RRH: variants seen among roughly 807,000 people sequenced by gnomAD.
RRH encodes visual pigment-like receptor peropsin.
In RRH, 36 loss-of-function variants were observed where a neutral mutation model predicts 33.1. The observed-to-expected ratio is 1.09, with a 90% CI of 0.83 to 1.44. The LOEUF is 1.44. Among genes scored for constraint, RRH ranks in the 40% most tolerant of loss-of-function variants. The pLI is 0.00. For synonymous variants in RRH, 124 were observed against 140.2 expected, an observed-to-expected ratio of 0.88 and a Z score of 0.82; for missense variants, 393 against 420.2, an observed-to-expected ratio of 0.94 and a Z score of 0.57.
rs371987265 is a variant in RRH, at chr4:109,837,654, A to G, written c.720+49A>G. 4.3e-5 allele frequency: 64 copies of G among 1,485,680 alleles called. No homozygotes were observed. The African/African-American group carries it at 7.6e-4, about 18-fold the overall frequency. The allele number at this position is 1,485,680 out of a possible 1,614,324, so 92.0% of individuals were successfully genotyped here. On this transcript the variant is annotated intron_variant, in intron 5 of 6. Coordinates refer to ENST00000317735, the MANE Select transcript of RRH (RefSeq NM_006583.5). ...AATTGTTGTCATGGAGCTTTTACCC[A>G]CTCATAGTTGAAAGAGTCCCTGGGA...
chr4:109,842,764 C>A lies in RRH; in HGVS notation c.899+117C>A, dbSNP rs529446778. ...TTCAATCTAGCATAAAGGTCATTTG[C>A]CTCATGTGACTGGAGCAGCATCTAG... On this transcript the variant is annotated intron_variant, in intron 6 of 6. Coordinates refer to ENST00000317735, the MANE Select transcript of RRH (RefSeq NM_006583.5). The A allele has an allele frequency of 3.7e-4, 336 of 905,356 alleles. 5 individuals are homozygous for A. The South Asian group carries it at 3.9e-3, about 11-fold the overall frequency. The allele number at this position is 905,356 out of a possible 1,614,324, so 56.1% of individuals were successfully genotyped here. A position where few individuals can be genotyped will look rare whatever the true frequency, so the allele number is the denominator to read the frequency against.
intron 2 of RRH, among the ~76,000 whole-genome samples, chr4:109,834,949 G>T (rs1307421224): frequency 6.6e-6 from 1 of 152,122 alleles, no homozygotes; most frequent in Non-Finnish European, 1.5e-5. Context: ...TATTGTGGTT[G>T]TATGTCTTAT....
chr4:109,839,785 A>G (rs7664699), intron 5 of RRH, among the ~76,000 whole-genome samples: 70,651 of 152,162 alleles, frequency 0.46, 19,789 homozygotes, highest in Non-Finnish European at 0.63. Context: ...TGCAAAGGAC[A>G]TGATCTCATT....
chr4:109,831,723 T>C (rs1417252455), intron 1 of RRH, among the ~76,000 whole-genome samples: 1 of 152,058 alleles, frequency 6.6e-6, no homozygotes, highest in East Asian at 1.9e-4. Context: ...AGTGTAGAAA[T>C]TTGCTTCTAG....
chr4:109,836,922 G>C (rs1336305528), intron 4 of RRH, among the ~76,000 whole-genome samples: 5 of 137,838 alleles, frequency 3.6e-5, no homozygotes, highest in Non-Finnish European at 7.4e-5. Flanking sequence ...GCAGAGGGTG[G>C]TGCGGGGGGT....
At chr4:109,835,972 C>G in intron 3 of RRH, 35 bp from the exon 4 acceptor site, 1 of 1,612,482 alleles carries the variant, frequency 6.2e-7, no homozygotes, top group South Asian at 1.1e-5. Flanking sequence ...CCATTAATGG[C>G]AAATGTTGCT....
chr4:109,840,075 A>G (rs1042479417), intron 5 of RRH, among the ~76,000 whole-genome samples: 3 of 152,212 alleles, frequency 2.0e-5, no homozygotes, highest in Non-Finnish European at 2.9e-5. Context: ...GAACTAAGTT[A>G]TACTCCCATC....
At chr4:109,834,954 T>C (rs1408094089) in intron 2 of RRH, among the ~76,000 whole-genome samples, 4 of 152,188 alleles carry the variant, frequency 2.6e-5, no homozygotes, top group Non-Finnish European at 5.9e-5. Flanking sequence ...TGGTTGTATG[T>C]CTTATGTTAT....
chr4:109,832,495 AGTGT>A (rs36127904), intron 1 of RRH, among the ~76,000 whole-genome samples: 5,417 of 135,218 alleles, frequency 0.04, 115 homozygotes, highest in Non-Finnish European at 0.048. Context: ...CTATTGGGGT[AGTGT>A]GTGTGTGTGT....
intron 1 of RRH, among the ~76,000 whole-genome samples, chr4:109,830,212 A>G (rs1292139402): frequency 7.9e-5 from 12 of 152,242 alleles, no homozygotes; most frequent in East Asian, 5.8e-4. Context: ...GAAATAAATC[A>G]TTATGTTTGA....
In RRH at chr4:109,837,599, A is replaced by C; in HGVS notation, c.714A>C (p.Val238=). 2 of 1,613,524 alleles carry C rather than the reference A, an allele frequency of 1.2e-6. No individual in the cohort carries two copies. The highest frequency in any genetic ancestry group is 1.7e-6 in the Non-Finnish European group (2 of 1,179,564). ...GAGACTGGTCAGATCAGATAGATGT[A>C]ACAAAGGTAAGAGATCAAAATCCTT... ...LNRDWSDQID[V]TKMSVIMICM... The change falls in exon 5 of 7, where the codon GTA becomes GTC. Residue 238 remains valine, a synonymous_variant. Transcript: ENST00000317735.
intron 5 of RRH, among the ~76,000 whole-genome samples, chr4:109,838,652 G>A (rs769080104): frequency 6.6e-6 from 1 of 152,134 alleles, no homozygotes; most frequent in African/African-American, 2.4e-5. Flanking sequence ...CTGATTGTTT[G>A]CCTGGTCTAG....
chr4:109,840,631 C>T (rs1733966952), intron 5 of RRH, among the ~76,000 whole-genome samples: 2 of 151,846 alleles, frequency 1.3e-5, no homozygotes, highest in Non-Finnish European at 2.9e-5. Flanking sequence ...ATACTCTATT[C>T]TCTCCTTGTT....
Position 109,842,531 on chromosome 4 carries a change from A to G in RRH, c.783A>G (p.Leu261=), listed in dbSNP as rs1734003651. 9 of 1,613,944 alleles carry G rather than the reference A, an allele frequency of 5.6e-6. No individual in the cohort carries two copies. The highest frequency in any genetic ancestry group is 4.5e-5 in the East Asian group (2 of 44,870). Residue 261 remains leucine (L), a synonymous_variant, in exon 6 of 7, where the codon TTA becomes TTG. Coordinates refer to ENST00000317735, the MANE Select transcript of RRH (RefSeq NM_006583.5). The part of the protein sequence containing the change: ...VAWSPYSIVC[L]WASFGDPKKI... ...GGTCCCCTTATTCCATCGTGTGCTT[A>G]TGGGCTTCTTTTGGTGACCCAAAGA...
Position 109,835,437 on chromosome 4 carries a change from A to T in RRH, c.369A>T (p.Arg123=). Residue 123 remains arginine, a synonymous_variant, in exon 3 of 7, where the codon CGA becomes CGT. Coordinates refer to ENST00000317735, the MANE Select transcript of RRH (RefSeq NM_006583.5). ...IGLLTVVAVD[R]YLTICLPDVG... is the part of the protein sequence containing the mutation. The stretch of plus-strand genomic sequence containing the variant: ...TACTCACGGTCGTGGCTGTGGACCG[A>T]TACCTGACCATCTGCCTTCCTGACG... The T allele has an allele frequency of 6.2e-7, 1 of 1,613,858 alleles. No homozygotes were observed. Among genetic ancestry groups the T allele is most frequent in the Non-Finnish European group, 8.5e-7 (1 of 1,179,754 alleles).
intron 1 of RRH, 70 bp downstream of exon 1, chr4:109,828,203 C>CTTCGATA: frequency 9.5e-7 from 1 of 1,048,178 alleles, no homozygotes; most frequent in Non-Finnish European, 1.5e-6. Flanking sequence ...CAGCATAAGG[C>CTTCGATA]ATGCATTGTT....
rs1734042528 is a variant in RRH, at chr4:109,844,364, G to A, written c.*167G>A. ...CTGTTTGTGCACTCTGGCTGCTGTA[G>A]TGTATGCTTCTCTGTGTCCTGATAT... On this transcript the variant is annotated 3_prime_UTR_variant, in exon 7 of 7. Coordinates refer to ENST00000317735, the MANE Select transcript of RRH (RefSeq NM_006583.5). The A allele has an allele frequency of 3.6e-6, 2 of 556,400 alleles. No homozygotes were observed. Among genetic ancestry groups the A allele is most frequent in the South Asian group, 1.9e-5 (1 of 53,246 alleles). 34.5% of individuals were successfully genotyped at this position (556,400 alleles called of 1,614,324 possible). A position where few individuals can be genotyped will look rare whatever the true frequency, so the allele number is the denominator to read the frequency against.
chr4:109,833,633 TA>T (rs957840466), intron 2 of RRH, among the ~76,000 whole-genome samples: 19 of 152,064 alleles, frequency 1.2e-4, no homozygotes, highest in South Asian at 6.2e-4. Context: ...TATTGCAAAT[TA>T]AAAAAAATAA....
At chr4:109,839,446 C>A (rs1579363890) in intron 5 of RRH, among the ~76,000 whole-genome samples, 1 of 152,190 alleles carries the variant, frequency 6.6e-6, no homozygotes, top group Admixed American at 6.5e-5. Flanking sequence ...GGAGAAAAAC[C>A]ATTTTTTTTA....
Sources: gnomAD v4.1 joint callset for allele counts (sites outside exome capture counted in the v4.1 genomes callset) on GRCh38, gnomAD v4.1.1 for gene constraint, MANE v1.5 for transcripts, NCBI Gene and HGNC (gene_info 2026-07-23, HGNC 2026-07-21) for gene names.